The following PIAS2 variants were observed in gnomAD, a reference collection of about 807,000 sequenced individuals.
The protein encoded by PIAS2 is protein inhibitor of activated STAT 2.
Under a neutral mutation model 69.7 loss-of-function variants are expected in PIAS2, and 19 were observed. That is an observed-to-expected ratio of 0.27 (90% confidence interval 0.19 to 0.40). The LOEUF (loss-of-function observed/expected upper bound fraction) is 0.40. PIAS2 is among the 10% of genes least tolerant of loss of function. PIAS2 has a pLI of 1.00. For synonymous variants in PIAS2, 261 were observed against 263.2 expected (o/e 0.99, Z 0.08); for missense variants, 624 against 757.0 (o/e 0.82, Z 2.06).
In PIAS2 at chr18:46,828,036, A is replaced by G. The variant is rs766859358; in HGVS notation, c.1431T>C (p.Ser477=). ...CAGGAGGGTCTTCCTCTTCGTCAGAAGAGCTTTCTATTGTAAGATCAATAA... is the reference window on the plus strand; with the variant it reads ...CAGGAGGGTCTTCCTCTTCGTCAGAGGAGCTTTCTATTGTAAGATCAATAA... ...VDVIDLTIES[S]SDEEEDPPAK... Residue 477 remains serine (S), a synonymous_variant, in exon 11 of 14, where the codon TCT becomes TCC. Coordinates refer to ENST00000585916, the MANE Select transcript of PIAS2 (RefSeq NM_004671.5). 6.2e-7 allele frequency: 1 copy of G among 1,613,920 alleles called. No individual in the cohort carries two copies. Among genetic ancestry groups the G allele is most frequent in the Admixed American group, 1.7e-5 (1 of 60,012 alleles).
chr18:46,843,478 G>A (rs1382839854), intron 8 of PIAS2, among the ~76,000 whole-genome samples: 1 of 152,146 alleles, frequency 6.6e-6, no homozygotes, highest in Non-Finnish European at 1.5e-5. Context: ...ATTTTTATGG[G>A]AGTTGGTTTT....
At chr18:46,849,389 G>A (rs893156580) in intron 5 of PIAS2, among the ~76,000 whole-genome samples, 1 of 151,972 alleles carries the variant, frequency 6.6e-6, no homozygotes, top group African/African-American at 2.4e-5. Flanking sequence ...ATTAATAGTT[G>A]GAATTTTATA....
At chr18:46,846,094 A>G (rs1475103758) in intron 6 of PIAS2, among the ~76,000 whole-genome samples, 1 of 152,242 alleles carries the variant, frequency 6.6e-6, no homozygotes, top group African/African-American at 2.4e-5. Context: ...TATTTCAGTT[A>G]TATAAACAAG....
chr18:46,909,527 C>T (rs1219655991), intron 1 of PIAS2, among the ~76,000 whole-genome samples: 11 of 152,148 alleles, frequency 7.2e-5, no homozygotes, highest in African/African-American at 2.4e-4. Flanking sequence ...GGATTACAGG[C>T]GTGAGCTACC....
chr18:46,865,298 G>A (rs2049265583), intron 2 of PIAS2, among the ~76,000 whole-genome samples: 1 of 152,108 alleles, frequency 6.6e-6, no homozygotes, highest in African/African-American at 2.4e-5. Context: ...CCAGCACTCT[G>A]GGAGGCCGAG....
chr18:46,913,358 A>G (rs1486472682), intron 1 of PIAS2, among the ~76,000 whole-genome samples: 1 of 152,144 alleles, frequency 6.6e-6, no homozygotes, highest in Admixed American at 6.5e-5. Context: ...CTGATCTTCG[A>G]ATTATGACAC....
At chr18:46,849,029 T>C (rs2046583689) in intron 5 of PIAS2, among the ~76,000 whole-genome samples, 1 of 152,174 alleles carries the variant, frequency 6.6e-6, no homozygotes, top group African/African-American at 2.4e-5. Context: ...GTATGTCCAC[T>C]GGTAGGTTAA....
chr18:46,916,036 T>C (rs1311945848), intron 1 of PIAS2, among the ~76,000 whole-genome samples: 1 of 152,162 alleles, frequency 6.6e-6, no homozygotes, highest in African/African-American at 2.4e-5. Flanking sequence ...TGAACACCCT[T>C]TACCTACACT....
Position 46,864,863 on chromosome 18 carries a change from G to C in PIAS2, c.500-615C>G, listed in dbSNP as rs191002734. Among the ~76,000 whole-genome samples, 387 of 151,866 alleles carry C rather than the reference G, an allele frequency of 2.5e-3. 5 individuals carry two copies. Among genetic ancestry groups the C allele is most frequent in the African/African-American group, 9.1e-3 (375 of 41,428 alleles). ...TAACTATAATATTATCTAATGAAAG[G>C]AAGTCAAAATGCTCCCCAGGAGAAC... is the stretch of plus-strand genomic sequence containing the variant. On this transcript the variant is annotated intron_variant, in intron 2 of 13. Coordinates refer to ENST00000585916, the MANE Select transcript of PIAS2 (RefSeq NM_004671.5).
intron 1 of PIAS2, among the ~76,000 whole-genome samples, chr18:46,897,954 C>T (rs1350555222): frequency 6.6e-6 from 1 of 151,936 alleles, no homozygotes; most frequent in African/African-American, 2.4e-5. Context: ...TCTCTGCAGC[C>T]TCAACCTCCC....
At chr18:46,904,777 T>C (rs957963491) in intron 1 of PIAS2, among the ~76,000 whole-genome samples, 3 of 146,756 alleles carry the variant, frequency 2.0e-5, no homozygotes, top group Non-Finnish European at 4.5e-5. Flanking sequence ...AAAACAGAGA[T>C]GGGGGTCTCA....
Position 46,908,277 on chromosome 18 carries a change from A to C in PIAS2, c.24+9045T>G, listed in dbSNP as rs546522209. 3.9e-5 allele frequency among the ~76,000 whole-genome samples: 6 copies of C among 152,266 alleles called. No homozygotes were observed. In the South Asian group the frequency reaches 1.2e-3, roughly 32 times the overall value. On this transcript the variant is annotated intron_variant, in intron 1 of 13. Coordinates refer to ENST00000585916, the MANE Select transcript of PIAS2 (RefSeq NM_004671.5). ...GCCTTGAGCCACCTCACCAGGCAAGAAGTTTGTTTATGCTAGCAGCAGCAT... is the reference window on the plus strand; with the variant it reads ...GCCTTGAGCCACCTCACCAGGCAAGCAGTTTGTTTATGCTAGCAGCAGCAT...
chr18:46,841,278 C>T (rs186210197), intron 8 of PIAS2, among the ~76,000 whole-genome samples: 7 of 152,262 alleles, frequency 4.6e-5, no homozygotes, highest in Non-Finnish European at 8.8e-5. Flanking sequence ...AATCACTTTA[C>T]GAAAATACTG....
intron 5 of PIAS2, among the ~76,000 whole-genome samples, chr18:46,852,395 CTT>C (rs1332219824): frequency 6.6e-6 from 1 of 152,148 alleles, no homozygotes; most frequent in Non-Finnish European, 1.5e-5. Context: ...GAAAATATGT[CTT>C]TGCCTTTCTC....
intron 5 of PIAS2, chr18:46,852,728 A>G (rs2047151185): frequency 6.6e-6 from 1 of 152,136 alleles, no homozygotes; most frequent in Admixed American, 6.5e-5. Flanking sequence ...AAAATGTGAC[A>G]CTGACTGGTC....
chr18:46,828,638 A>C (rs779598150), intron 10 of PIAS2, among the ~76,000 whole-genome samples: 6 of 152,196 alleles, frequency 3.9e-5, no homozygotes, highest in Non-Finnish European at 7.3e-5. Context: ...CATAAGCCAG[A>C]ACTTGATAAA....
intron 6 of PIAS2, 172 bp from the exon 7 acceptor site, chr18:46,845,011 A>C (rs2045966155): frequency 5.2e-6 from 2 of 384,828 alleles, no homozygotes; most frequent in South Asian, 2.0e-4. Context: ...CTTCACTGAA[A>C]ATAAAAGCTC....
intron 9 of PIAS2, among the ~76,000 whole-genome samples, chr18:46,831,112 T>C (rs758069857): frequency 5.9e-5 from 9 of 152,184 alleles, no homozygotes; most frequent in Non-Finnish European, 1.3e-4. Flanking sequence ...GAAGTAAAAC[T>C]GTCTCTATTT....
At chr18:46,815,956 C>T (rs1319552184) in intron 12 of PIAS2, 1 of 985,182 alleles carries the variant, frequency 1.0e-6, no homozygotes, top group Non-Finnish European at 1.2e-6. Flanking sequence ...TGTAATTGTC[C>T]AATTCGATTT....
Sources: gnomAD v4.1 joint callset for allele counts (sites outside exome capture counted in the v4.1 genomes callset) on GRCh38, gnomAD v4.1.1 for gene constraint, MANE v1.5 for transcripts, NCBI Gene and HGNC (gene_info 2026-07-23, HGNC 2026-07-21) for gene names.